The following OR2V2 variants were observed in gnomAD, a reference collection of about 807,000 sequenced individuals.
OR2V2 encodes the protein olfactory receptor family 2 subfamily V member 2, also known as olfactory receptor 2V2.
For synonymous variants in OR2V2, 161 were observed against 151.3 expected (o/e 1.06, Z -0.47); for missense variants, 392 against 392.2 (o/e 1.00, Z 0.00).
At chr5:181,151,803 G>A (rs1000177698) in intron 1 of OR2V2, among the ~76,000 whole-genome samples, 18 of 151,844 alleles carry the variant, frequency 1.2e-4, no homozygotes, top group Non-Finnish European at 2.5e-4. Flanking sequence ...GATGCAAGGC[G>A]TTCAAAACCC....
At chr5:181,149,567 C>T (rs1359425925) in intron 1 of OR2V2, among the ~76,000 whole-genome samples, 2 of 152,324 alleles carry the variant, frequency 1.3e-5, no homozygotes, top group Middle Eastern at 3.4e-3. Context: ...TAGCATTGCA[C>T]AAGTTACCTC....
rs1256197885 is a variant in OR2V2, at chr5:181,155,089, C to T, written c.147C>T (p.Leu49=). ...GTGGGAATGTCCTCCTCATCTTCCT[C>T]ATCTACATGGACCCTCACCTTCACA... ...ALCGNVLLIF[L]IYMDPHLHTP... The change falls in exon 2 of 2, where the codon CTC becomes CTT. Residue 49 remains leucine, a synonymous_variant. Coordinates refer to ENST00000641492, the MANE Select transcript of OR2V2 (RefSeq NM_206880.2). 6.2e-7 allele frequency: 1 copy of T among 1,614,098 alleles called. No homozygotes were observed. The highest frequency in any genetic ancestry group is 1.7e-5 in the Admixed American group (1 of 60,008).
At chr5:181,148,547 T>G (rs1438670264) in intron 1 of OR2V2, among the ~76,000 whole-genome samples, 1 of 152,208 alleles carries the variant, frequency 6.6e-6, no homozygotes, top group Non-Finnish European at 1.5e-5. Flanking sequence ...ATAAATTCAG[T>G]TGTATTTCAT....
intron 1 of OR2V2, among the ~76,000 whole-genome samples, chr5:181,152,189 C>T: frequency 6.6e-6 from 1 of 152,100 alleles, no homozygotes; most frequent in Non-Finnish European, 1.5e-5. Context: ...GACCCCCTTA[C>T]AAAGGAGGAA....
At chr5:181,154,421 C>G (rs1296070278) in intron 1 of OR2V2, among the ~76,000 whole-genome samples, 1 of 152,068 alleles carries the variant, frequency 6.6e-6, no homozygotes, top group Non-Finnish European at 1.5e-5. Flanking sequence ...AACCCCGTCT[C>G]TACTAAAAAT....
chr5:181,156,485 A>C lies in OR2V2; in HGVS notation c.*595A>C, dbSNP rs1172661095. Reference sequence around the variant, plus strand: ...GTGTACTAATTATTTTACACTATACATTGAAAATGAATATAGGACATTGTA... The same window carrying C: ...GTGTACTAATTATTTTACACTATACCTTGAAAATGAATATAGGACATTGTA... On this transcript the variant is annotated 3_prime_UTR_variant, in exon 2 of 2. Transcript: ENST00000641492. The C allele has an allele frequency of 6.6e-6, 1 of 152,394 alleles. No homozygotes were observed. The highest frequency in any genetic ancestry group is 1.5e-5 in the Non-Finnish European group (1 of 68,168). 9.4% of individuals were successfully genotyped at this position (152,394 alleles called of 1,614,324 possible). A position where few individuals can be genotyped will look rare whatever the true frequency, so the allele number is the denominator to read the frequency against.
chr5:181,150,869 C>T (rs1424324776), intron 1 of OR2V2, among the ~76,000 whole-genome samples: 1 of 152,082 alleles, frequency 6.6e-6, no homozygotes, highest in Non-Finnish European at 1.5e-5. Context: ...CCCAGCTACT[C>T]GGGCAGCTGA....
In OR2V2 at chr5:181,157,850, G is replaced by A. The variant is rs990551424; in HGVS notation, c.*1960G>A. 6 of 152,108 alleles carry A rather than the reference G, an allele frequency of 3.9e-5. No homozygotes were observed. The highest frequency in any genetic ancestry group is 1.4e-4 in the African/African-American group (6 of 41,412). 9.4% of individuals were successfully genotyped at this position (152,108 alleles called of 1,614,324 possible). ...GGATTTTGCACCCTTCAACCCGTAA[G>A]TACCTTGAGTGTTTCAACCACAACT... On this transcript the variant is annotated 3_prime_UTR_variant, in exon 2 of 2. Transcript: ENST00000641492.
Position 181,155,503 on chromosome 5 carries a change from G to T in OR2V2, c.561G>T (p.Lys187Asn). The T allele has an allele frequency of 6.2e-7, 1 of 1,614,212 alleles. No individual in the cohort carries two copies. The highest frequency in any genetic ancestry group is 1.1e-5 in the South Asian group (1 of 91,080). ...TCTGTGAGATGCTATCCTTGTTGAA[G>T]CTGGCCTGTGTAGACACATCCCTGT... ...HFFCEMLSLL[K>N]LACVDTSLFE... is the part of the protein sequence containing the mutation. Residue 187 changes from lysine to asparagine, a missense_variant, in exon 2 of 2, where the codon AAG becomes AAT. Physicochemically the swap from Lys to Asn is moderately conservative, Grantham distance 94. Transcript: ENST00000641492.
At position 181,156,018 on chromosome 5, in the gene OR2V2, G is replaced by T. The variant is rs1477907006; in HGVS notation, c.*128G>T. 3.1e-5 allele frequency: 23 copies of T among 745,866 alleles called. No homozygotes were observed. Among genetic ancestry groups the T allele is most frequent in the African/African-American group, 1.1e-4 (5 of 45,576 alleles). 46.2% of individuals were successfully genotyped at this position (745,866 alleles called of 1,614,324 possible). On this transcript the variant is annotated 3_prime_UTR_variant, in exon 2 of 2. Transcript: ENST00000641492. The stretch of plus-strand genomic sequence containing the variant: ...ATTGTGACACCCTCAGACTTGGAAG[G>T]TCTTTTTAAACACTACATCAGTTCT...
rs1044482434 is a variant in OR2V2, at chr5:181,157,190, G to A, written c.*1300G>A. 4.6e-5 allele frequency: 7 copies of A among 152,230 alleles called. No homozygotes were observed. Among genetic ancestry groups the A allele is most frequent in the Admixed American group, 2.0e-4 (3 of 15,274 alleles). 9.4% of individuals were successfully genotyped at this position (152,230 alleles called of 1,614,324 possible). On this transcript the variant is annotated 3_prime_UTR_variant, in exon 2 of 2. Transcript: ENST00000641492. The stretch of plus-strand genomic sequence containing the variant: ...GAAAAAAAATATCTCCATTGAAGGC[G>A]GAGAGAAAAGAGGCCAGAACTGGTC...
intron 1 of OR2V2, among the ~76,000 whole-genome samples, chr5:181,153,345 G>C (rs1379946158): frequency 6.6e-6 from 1 of 152,140 alleles, no homozygotes; most frequent in Non-Finnish European, 1.5e-5. Flanking sequence ...CTTTGTCCGT[G>C]TAAAATCATA....
chr5:181,151,751 C>T (rs1481323412), intron 1 of OR2V2, among the ~76,000 whole-genome samples: 5 of 152,034 alleles, frequency 3.3e-5, no homozygotes, highest in South Asian at 2.1e-4. Flanking sequence ...GATCCCATGA[C>T]GGCTTTGGCA....
At chr5:181,149,786 C>A (rs1316483408) in intron 1 of OR2V2, among the ~76,000 whole-genome samples, 1 of 151,964 alleles carries the variant, frequency 6.6e-6, no homozygotes, top group Non-Finnish European at 1.5e-5. Flanking sequence ...TCAGTTTTTG[C>A]AAAGAAATAG....
Position 181,155,981 on chromosome 5 carries a change from T to C in OR2V2, c.*91T>C. The C allele has an allele frequency of 1.8e-6, 2 of 1,139,230 alleles. No individual in the cohort carries two copies. The highest frequency in any genetic ancestry group is 2.5e-6 in the Non-Finnish European group (2 of 809,728). 70.6% of individuals were successfully genotyped at this position (1,139,230 alleles called of 1,614,324 possible). ...CTCATTTTCAGTCTTGGTTTCCTCG[T>C]GAATTATGATGATTGTGACACCCTC... On this transcript the variant is annotated 3_prime_UTR_variant, in exon 2 of 2. Coordinates refer to ENST00000641492, the MANE Select transcript of OR2V2 (RefSeq NM_206880.2).
rs1413430851 is a variant in OR2V2 at position 181,158,799 on chromosome 5, G to T, written c.*2909G>T. The T allele has an allele frequency of 2.9e-5, 4 of 135,896 alleles. No individual in the cohort carries two copies. The East Asian group carries it at 9.6e-4, about 33-fold the overall frequency. The allele number at this position is 135,896 out of a possible 1,614,324, so 8.4% of individuals were successfully genotyped here. A position where few individuals can be genotyped will look rare whatever the true frequency, so the allele number is the denominator to read the frequency against. Reference sequence around the variant, plus strand: ...TAATTAACAGTTTAAAATGCTCAAGGCCAGTTTTTTTTTTGCCAACTACCT... The same window carrying T: ...TAATTAACAGTTTAAAATGCTCAAGTCCAGTTTTTTTTTTGCCAACTACCT... On this transcript the variant is annotated 3_prime_UTR_variant, in exon 2 of 2. Transcript: ENST00000641492.
chr5:181,157,905 T>C lies in OR2V2; in HGVS notation c.*2015T>C, dbSNP rs1432702755. ...ATCTATAGCCACTGAACCCCTAGACTGGAAGAAAATTTAGAGCAAACTTAA... is the reference window on the plus strand; with the variant it reads ...ATCTATAGCCACTGAACCCCTAGACCGGAAGAAAATTTAGAGCAAACTTAA... On this transcript the variant is annotated 3_prime_UTR_variant, in exon 2 of 2. Transcript: ENST00000641492. 6.6e-6 allele frequency: 1 copy of C among 152,204 alleles called. No individual in the cohort carries two copies. The highest frequency in any genetic ancestry group is 2.4e-5 in the African/African-American group (1 of 41,452). The allele number at this position is 152,204 out of a possible 1,614,324, so 9.4% of individuals were successfully genotyped here.
In OR2V2 at chr5:181,155,889, G is replaced by C; in HGVS notation, c.947G>C (p.Ter316SerextTer31). 6.2e-7 allele frequency: 1 copy of C among 1,608,410 alleles called. No homozygotes were observed. Among genetic ancestry groups the C allele is most frequent in the Non-Finnish European group, 8.5e-7 (1 of 1,175,572 alleles). Reference sequence around the variant, plus strand: ...CGCTGCAGGATCGGCAGCCAGCACTGAACCCAGGGCATCCAGTGCCTGGCT... The same window carrying C: ...CGCTGCAGGATCGGCAGCCAGCACTCAACCCAGGGCATCCAGTGCCTGGCT... The part of the protein sequence containing the change: ...LDRCRIGSQH[*>S] Residue 316 changes from the stop codon to serine (S), a stop_lost, in exon 2 of 2, where the codon TGA becomes TCA. Transcript: ENST00000641492.
rs1235639449 is a variant in OR2V2, at chr5:181,156,409, A to G, written c.*519A>G. ...AGGCGTGAGCCACCACGCACAGCCA[A>G]CATCAGTACTTTTTATCTGATGAAG... On this transcript the variant is annotated 3_prime_UTR_variant, in exon 2 of 2. Coordinates refer to ENST00000641492, the MANE Select transcript of OR2V2 (RefSeq NM_206880.2). 2 of 153,372 alleles carry G rather than the reference A, an allele frequency of 1.3e-5. No individual in the cohort carries two copies. Among genetic ancestry groups the G allele is most frequent in the African/African-American group, 4.8e-5 (2 of 41,456 alleles). 9.5% of individuals were successfully genotyped at this position (153,372 alleles called of 1,614,324 possible).
Sources: allele counts gnomAD v4.1 joint callset (sites outside exome capture counted in the v4.1 genomes callset), GRCh38; gene constraint gnomAD v4.1.1; transcripts MANE v1.5; gene names NCBI Gene and HGNC (gene_info 2026-07-23, HGNC 2026-07-21).